Variants in UBE2V1 observed in about 807,000 individuals in gnomAD.
UBE2V1 encodes the protein ubiquitin-conjugating enzyme E2 variant 1.
A neutral mutation model predicts 19.6 loss-of-function variants in UBE2V1; 15 were observed. That is an observed-to-expected ratio of 0.77 (90% CI 0.51 to 1.18). The LOEUF (loss-of-function observed/expected upper bound fraction) is 1.18, where lower values mean the gene tolerates loss of function less well. Among genes scored for constraint, UBE2V1 ranks in the 50% most tolerant of loss-of-function variants. The pLI is 0.00. For synonymous variants in UBE2V1, 60 were observed against 60.7 expected, an observed-to-expected ratio of 0.99 and a Z score of 0.05; for missense variants, 125 against 184.8, an observed-to-expected ratio of 0.68 and a Z score of 1.88.
At chr20:50,090,783 T>A (rs1309568121) in intron 2 of UBE2V1, among the ~76,000 whole-genome samples, 1 of 152,098 alleles carries the variant, frequency 6.6e-6, no homozygotes, top group Non-Finnish European at 1.5e-5. Context: ...GGTAAAAGAG[T>A]AGATCTTAAG....
At chr20:50,099,989 T>G (rs975736200) in intron 1 of UBE2V1, among the ~76,000 whole-genome samples, 1 of 150,554 alleles carries the variant, frequency 6.6e-6, no homozygotes, top group African/African-American at 2.4e-5. Flanking sequence ...TCCTAGTTAC[T>G]CAGGAGGCTG....
intron 1 of UBE2V1, chr20:50,111,331 G>C (rs2080739562): frequency 5.0e-6 from 5 of 995,592 alleles, no homozygotes; most frequent in Non-Finnish European, 6.0e-6. Context: ...CCGGGCAGCT[G>C]TTAACCCAGA....
At chr20:50,113,581 T>C (rs1200828873), upstream of UBE2V1, among the ~76,000 whole-genome samples, 1 of 152,100 alleles carries the variant, frequency 6.6e-6, no homozygotes, top group Non-Finnish European at 1.5e-5. Context: ...AACTCAGCTG[T>C]TAAGTGGCAG....
At chr20:50,087,255 G>C (rs948491549) in intron 2 of UBE2V1, among the ~76,000 whole-genome samples, 1 of 151,836 alleles carries the variant, frequency 6.6e-6, no homozygotes, top group Non-Finnish European at 1.5e-5. Flanking sequence ...AATTAGCCAG[G>C]CATATTGGCA....
intron 1 of UBE2V1, among the ~76,000 whole-genome samples, chr20:50,106,313 T>C (rs1202402456): frequency 1.3e-5 from 2 of 152,198 alleles, no homozygotes; most frequent in African/African-American, 2.4e-5. Context: ...AAAGAAAATA[T>C]GGCAACCAGG....
chr20:50,110,678 C>T (rs985342147), intron 1 of UBE2V1, among the ~76,000 whole-genome samples: 4 of 152,210 alleles, frequency 2.6e-5, no homozygotes, highest in Non-Finnish European at 5.9e-5. Flanking sequence ...TTCATTCATT[C>T]AACAAATATT....
upstream of UBE2V1, chr20:50,115,599 GT>G (rs1192657359): frequency 1.3e-6 from 2 of 1,486,578 alleles, no homozygotes; most frequent in African/African-American, 2.8e-5. Flanking sequence ...TATGAGGATA[GT>G]AGTATCAACC....
At chr20:50,107,082 C>G (rs2080437366) in intron 1 of UBE2V1, among the ~76,000 whole-genome samples, 1 of 152,140 alleles carries the variant, frequency 6.6e-6, no homozygotes, top group African/African-American at 2.4e-5. Context: ...GAGCCATAAG[C>G]AAGTAACTTT....
chr20:50,084,050 CCA>C (rs1329617529), intron 3 of UBE2V1, 77 bp downstream of exon 3: 5 of 1,512,546 alleles, frequency 3.3e-6, no homozygotes, highest in African/African-American at 2.8e-5. Context: ...GGAATTGGGC[CCA>C]GTCTAAAAGC....
chr20:50,112,969 C>G (rs1052691231), intron 1 of UBE2V1, 138 bp downstream of exon 1: 10 of 399,120 alleles, frequency 2.5e-5, no homozygotes, highest in Non-Finnish European at 3.5e-5. Context: ...GGTCAGGCCG[C>G]GCCGGTGGCT....
chr20:50,105,233 C>A (rs888293505), intron 1 of UBE2V1, among the ~76,000 whole-genome samples: 4 of 152,116 alleles, frequency 2.6e-5, no homozygotes, highest in Non-Finnish European at 5.9e-5. Flanking sequence ...ATATTTTCTA[C>A]AAAACAAAAG....
chr20:50,089,852 G>C (rs1445067164), intron 2 of UBE2V1, among the ~76,000 whole-genome samples: 1 of 152,224 alleles, frequency 6.6e-6, no homozygotes, highest in Non-Finnish European at 1.5e-5. Context: ...AAAATAAAAA[G>C]TAGGAGGCAT....
At chr20:50,115,596 A>G, upstream of UBE2V1, 1 of 1,492,968 alleles carries the variant, frequency 6.7e-7, no homozygotes, top group East Asian at 2.5e-5. Flanking sequence ...TTCTATGAGG[A>G]TAGTAGTATC....
Position 50,084,119 on chromosome 20 carries a change from A to C in UBE2V1, c.297+10T>G, listed in dbSNP as rs1378258124. 6.4e-7 allele frequency: 1 copy of C among 1,567,364 alleles called. No individual in the cohort carries two copies. The highest frequency in any genetic ancestry group is 2.2e-5 in the East Asian group (1 of 44,664). On this transcript the variant is annotated intron_variant, in intron 3 of 3. Coordinates refer to ENST00000371674, the MANE Select transcript of UBE2V1 (RefSeq NM_001032288.3). ...TCCAAGGAACAAGTGGGACAGAGAA[A>C]ACAACTTACCACTCCATTAGAACTA... is the stretch of plus-strand genomic sequence containing the variant.
upstream of UBE2V1, chr20:50,115,699 C>A (rs942575006): frequency 8.0e-5 from 92 of 1,143,346 alleles, no homozygotes. Context: ...TCATAATTAC[C>A]AAGCCGTTAC....
At chr20:50,086,320 C>G (rs1256797633) in intron 2 of UBE2V1, among the ~76,000 whole-genome samples, 2 of 152,182 alleles carry the variant, frequency 1.3e-5, no homozygotes, top group African/African-American at 2.4e-5. Context: ...GACACCCTCA[C>G]TAAACACAGA....
chr20:50,090,289 T>C (rs113874842), intron 2 of UBE2V1, among the ~76,000 whole-genome samples: 2 of 152,222 alleles, frequency 1.3e-5, no homozygotes, highest in African/African-American at 4.8e-5. Context: ...CAATAGCCAA[T>C]ATATGGAAAC....
At chr20:50,096,317 T>G in intron 2 of UBE2V1, 4 of 296,758 alleles carry the variant, frequency 1.3e-5, no homozygotes, top group Non-Finnish European at 2.5e-5. Context: ...CTTTCCAGAG[T>G]TAATTTGGAG....
intron 3 of UBE2V1, 101 bp downstream of exon 3, chr20:50,084,028 C>T (rs1340829673): frequency 6.7e-7 from 1 of 1,499,872 alleles, no homozygotes; most frequent in East Asian, 2.3e-5. Context: ...CAACAAATAA[C>T]CAAAGAACCT....
Sources: allele counts gnomAD v4.1 joint callset (sites outside exome capture counted in the v4.1 genomes callset), GRCh38; gene constraint gnomAD v4.1.1; transcripts MANE v1.5; gene names NCBI Gene and HGNC (gene_info 2026-07-23, HGNC 2026-07-21).